CPED1: variants seen among roughly 807,000 people sequenced by gnomAD.
CPED1 encodes cadherin-like and PC-esterase domain-containing protein 1.
In CPED1, 114 loss-of-function variants were observed where a neutral mutation model predicts 128.2. That is an observed-to-expected ratio of 0.89 (90% CI 0.76 to 1.04). CPED1 has a LOEUF of 1.04. CPED1 is among the 50% of genes least tolerant of loss of function. The probability of loss-of-function intolerance (pLI) is 0.00; values close to 1 mark genes in which losing one functional copy is unlikely to be tolerated. For missense variants in CPED1, 1,211 were observed against 1,207.1 expected (o/e 1.00, Z -0.05); for synonymous variants, 462 against 426.7 (o/e 1.08, Z -1.02).
At chr7:121,084,212 A>G (rs1206724223) in intron 5 of CPED1, among the ~76,000 whole-genome samples, 1 of 152,142 alleles carries the variant, frequency 6.6e-6, no homozygotes, top group East Asian at 1.9e-4. Flanking sequence ...TCAGACTCCA[A>G]ATTCTCTTTT....
chr7:121,149,336 A>G (rs1796098551), intron 16 of CPED1, among the ~76,000 whole-genome samples: 1 of 152,222 alleles, frequency 6.6e-6, no homozygotes, highest in Non-Finnish European at 1.5e-5. Context: ...TAAAGCAAGC[A>G]AAGATCAGAG....
intron 17 of CPED1, among the ~76,000 whole-genome samples, chr7:121,238,639 GC>G (rs1381026236): frequency 6.6e-6 from 1 of 151,916 alleles, no homozygotes; most frequent in African/African-American, 2.4e-5. Flanking sequence ...GTGGCACAGG[GC>G]CATTCATAGG....
chr7:121,245,046 T>C (rs1474861091), intron 18 of CPED1, among the ~76,000 whole-genome samples: 2 of 152,198 alleles, frequency 1.3e-5, no homozygotes, highest in Non-Finnish European at 2.9e-5. Flanking sequence ...AAGTGCTTTT[T>C]ATTAGATGGA....
At chr7:121,077,207 A>G (rs975573452) in intron 5 of CPED1, among the ~76,000 whole-genome samples, 1 of 152,072 alleles carries the variant, frequency 6.6e-6, no homozygotes, top group Non-Finnish European at 1.5e-5. Flanking sequence ...GATTCTCTCT[A>G]TTTATCAAAA....
chr7:121,069,735 T>C (rs10268570), intron 5 of CPED1, among the ~76,000 whole-genome samples: 1 of 152,018 alleles, frequency 6.6e-6, no homozygotes, highest in Non-Finnish European at 1.5e-5. Flanking sequence ...TAATGTTTTT[T>C]GTTGCTTTTT....
intron 4 of CPED1, among the ~76,000 whole-genome samples, chr7:121,062,489 G>T (rs1314585541): frequency 1.3e-5 from 2 of 152,134 alleles, no homozygotes; most frequent in Admixed American, 1.3e-4. Flanking sequence ...GTTCCCTCCA[G>T]CCCTTTTTAA....
chr7:121,289,356 C>G (rs1343053138), intron 22 of CPED1, among the ~76,000 whole-genome samples: 1 of 152,046 alleles, frequency 6.6e-6, no homozygotes, highest in East Asian at 1.9e-4. Context: ...AATGCACATT[C>G]ATTGTATTAT....
At chr7:121,107,281 C>T (rs915823236) in intron 7 of CPED1, among the ~76,000 whole-genome samples, 3 of 152,188 alleles carry the variant, frequency 2.0e-5, no homozygotes, top group East Asian at 1.9e-4. Flanking sequence ...ACTTTTTCAT[C>T]ACTGTGGTAA....
chr7:121,052,835 G>C (rs966155132), intron 4 of CPED1, among the ~76,000 whole-genome samples: 1 of 151,956 alleles, frequency 6.6e-6, no homozygotes, highest in African/African-American at 2.4e-5. Flanking sequence ...TGATTCTCAC[G>C]CTCAGCTTCC....
chr7:121,273,034 T>G (rs1792263204), intron 22 of CPED1, among the ~76,000 whole-genome samples: 1 of 152,082 alleles, frequency 6.6e-6, no homozygotes, highest in South Asian at 2.1e-4. Flanking sequence ...TTGGCTTCTG[T>G]TATTTGCTCT....
intron 17 of CPED1, among the ~76,000 whole-genome samples, chr7:121,238,152 G>A (rs1798303163): frequency 6.6e-6 from 1 of 152,114 alleles, no homozygotes; most frequent in Non-Finnish European, 1.5e-5. Context: ...CTAAATGTAC[G>A]CTAACTTATG....
At chr7:121,267,761 G>A (rs1220950314) in intron 21 of CPED1, among the ~76,000 whole-genome samples, 9 of 152,114 alleles carry the variant, frequency 5.9e-5, no homozygotes, top group Non-Finnish European at 8.8e-5. Context: ...CTGTAGGGAC[G>A]AGAACCAGCT....
At chr7:121,182,304 A>AT (rs377048394) in intron 16 of CPED1, among the ~76,000 whole-genome samples, 427 of 150,880 alleles carry the variant, frequency 2.8e-3, no homozygotes, top group Middle Eastern at 0.014. Flanking sequence ...ATGTTAAGGT[A>AT]TTTTTTACTG....
intron 3 of CPED1, among the ~76,000 whole-genome samples, chr7:121,034,488 T>G (rs1024084090): frequency 6.6e-6 from 1 of 152,070 alleles, no homozygotes; most frequent in Non-Finnish European, 1.5e-5. Flanking sequence ...CCTCGTGATC[T>G]GCCCGCCTCT....
intron 16 of CPED1, among the ~76,000 whole-genome samples, chr7:121,231,465 G>C (rs1490215821): frequency 2.6e-5 from 4 of 152,086 alleles, no homozygotes; most frequent in Non-Finnish European, 5.9e-5. Flanking sequence ...GTTTGAAGTA[G>C]CCTTTGTGAA....
At chr7:121,290,297 A>T (rs951405051) in intron 22 of CPED1, among the ~76,000 whole-genome samples, 1 of 152,222 alleles carries the variant, frequency 6.6e-6, no homozygotes, top group Non-Finnish European at 1.5e-5. Context: ...TAGTAGAATG[A>T]TTTATAATCT....
intron 17 of CPED1, among the ~76,000 whole-genome samples, chr7:121,240,409 T>A (rs1798362660): frequency 6.6e-6 from 1 of 152,174 alleles, no homozygotes; most frequent in Admixed American, 6.5e-5. Context: ...AAATAGAATC[T>A]CATTAGCAGA....
chr7:121,246,924 G>A (rs543264878), intron 18 of CPED1, among the ~76,000 whole-genome samples: 1 of 152,356 alleles, frequency 6.6e-6, no homozygotes, highest in South Asian at 2.1e-4. Flanking sequence ...TTCAGAACTT[G>A]CATGCTCAGA....
At position 121,062,613 on chromosome 7, in the gene CPED1, T is replaced by G. The variant is rs144675288; in HGVS notation, c.541-1625T>G. On this transcript the variant is annotated intron_variant, in intron 4 of 22. Transcript: ENST00000310396. ...CGAGACAGCCTTAAGATTGAAAGTGTACTGCACTTACAGCCTTTTCTCAAT... is the reference window on the plus strand; with the variant it reads ...CGAGACAGCCTTAAGATTGAAAGTGGACTGCACTTACAGCCTTTTCTCAAT... Among the ~76,000 whole-genome samples, 22 of 152,316 alleles carry G rather than the reference T, an allele frequency of 1.4e-4. 1 individual carries two copies. The highest frequency in any genetic ancestry group is 5.3e-4 in the African/African-American group (22 of 41,576).
Sources: gnomAD v4.1 joint callset for allele counts (sites outside exome capture counted in the v4.1 genomes callset) on GRCh38, gnomAD v4.1.1 for gene constraint, MANE v1.5 for transcripts, NCBI Gene and HGNC (gene_info 2026-07-23, HGNC 2026-07-21) for gene names.